Variants in EFHD2 observed in about 807,000 individuals in gnomAD.
EFHD2 encodes EF-hand domain family member D2.
Under a neutral mutation model 20.3 loss-of-function variants are expected in EFHD2, and 12 were observed. That is an observed-to-expected ratio of 0.59 (90% confidence interval 0.38 to 0.96). The LOEUF is 0.96. EFHD2 is among the 40% of genes least tolerant of loss of function. EFHD2 has a pLI of 0.00. For synonymous variants in EFHD2, 131 were observed against 143.9 expected, an observed-to-expected ratio of 0.91 and a Z score of 0.64; for missense variants, 250 against 334.3, an observed-to-expected ratio of 0.75 and a Z score of 1.97.
chr1:15,413,742 G>A lies in EFHD2; in HGVS notation c.308+3463G>A, dbSNP rs932049891. 6.6e-6 allele frequency among the ~76,000 whole-genome samples: 1 copy of A among 152,188 alleles called. No individual in the cohort carries two copies. Among genetic ancestry groups the A allele is most frequent in the Non-Finnish European group, 1.5e-5 (1 of 68,032 alleles). ...GGGTTACGGAGAGGTTCTCAGTGAG[G>A]CTGAAACCTTGTATGATGAGGAGAG... On this transcript the variant is annotated intron_variant, in intron 1 of 3. Coordinates refer to ENST00000375980, the MANE Select transcript of EFHD2 (RefSeq NM_024329.6). This position sits in a 1 kb window ranked among gnomAD's most constrained non-coding sequence, Gnocchi z 4.4.
chr1:15,429,074 T>TGCCCTCCACACATCCCTGTCCCCC lies in EFHD2; in HGVS notation c.*351_*374dup. ...CTCCCAGCCCCATGTGCCTGCCGCC[T>TGCCCTCCACACATCCCTGTCCCCC]GCCCTCCACACATCCCTGTCCCCCC... On this transcript the variant is annotated 3_prime_UTR_variant, in exon 4 of 4. Coordinates refer to ENST00000375980, the MANE Select transcript of EFHD2 (RefSeq NM_024329.6). 3.5e-6 allele frequency: 1 copy of TGCCCTCCACACATCCCTGTCCCCC among 284,094 alleles called. No individual in the cohort carries two copies. The allele number at this position is 284,094 out of a possible 1,614,324, so 17.6% of individuals were successfully genotyped here.
intron 3 of EFHD2, 78 bp downstream of exon 3, chr1:15,427,362 CT>C: frequency 1.3e-6 from 2 of 1,522,280 alleles, no homozygotes; most frequent in Non-Finnish European, 1.8e-6. Flanking sequence ...AATAGGTCCC[CT>C]TCCCGTCCCT....
intron 1 of EFHD2, among the ~76,000 whole-genome samples, chr1:15,411,022 C>T (rs1215680077): frequency 2.6e-5 from 4 of 152,206 alleles, no homozygotes; most frequent in South Asian, 2.1e-4. Context: ...ACCCCTCGGC[C>T]CCTGTTGCCC....
rs370303954 is a variant in EFHD2 at position 15,413,893 on chromosome 1, C to T, written c.308+3614C>T. On this transcript the variant is annotated intron_variant, in intron 1 of 3. Coordinates refer to ENST00000375980, the MANE Select transcript of EFHD2 (RefSeq NM_024329.6). The surrounding 1 kb of genome is among the most constrained non-coding windows in gnomAD (Gnocchi z 4.4). ...AGCCAGGACTCTCCATCCCCGTCTC[C>T]GTGCGGCCTCAGGCTACGTCCAGCA... 5.3e-5 allele frequency among the ~76,000 whole-genome samples: 8 copies of T among 152,222 alleles called. No homozygotes were observed. The highest frequency in any genetic ancestry group is 4.8e-5 in the African/African-American group (2 of 41,452).
In EFHD2 at chr1:15,412,608, T is replaced by C. The variant is rs1025451098; in HGVS notation, c.308+2329T>C. Among the ~76,000 whole-genome samples the C allele has an allele frequency of 1.3e-4, 20 of 152,148 alleles. No individual in the cohort carries two copies. The South Asian group carries it at 4.1e-3, about 32-fold the overall frequency. On this transcript the variant is annotated intron_variant, in intron 1 of 3. Coordinates refer to ENST00000375980, the MANE Select transcript of EFHD2 (RefSeq NM_024329.6). ...TGTCCCCAACCCCAGCCCCCGTCTC[T>C]CCTTTCCCCCAGAGCCTGCCTTCTC...
intron 1 of EFHD2, among the ~76,000 whole-genome samples, chr1:15,412,948 G>A (rs1337013021): frequency 6.6e-6 from 1 of 152,200 alleles, no homozygotes. Flanking sequence ...CAGGGGCCAG[G>A]AAGCTGGACC....
Position 15,427,086 on chromosome 1 carries a change from C to T in EFHD2, c.457-64C>T, listed in dbSNP as rs1196624907. ...CCTGAGGCTGGGGCCTGGGTGCGGC[C>T]AGGGACTCCGGCTCCCCTCCTTCCC... is the stretch of plus-strand genomic sequence containing the variant. On this transcript the variant is annotated intron_variant, in intron 2 of 3. Transcript: ENST00000375980. 1.3e-5 allele frequency: 20 copies of T among 1,575,634 alleles called. No individual in the cohort carries two copies. The East Asian group carries it at 4.5e-4, about 36-fold the overall frequency.
intron 1 of EFHD2, among the ~76,000 whole-genome samples, chr1:15,418,992 C>T (rs1166788500): frequency 1.3e-5 from 2 of 152,280 alleles, no homozygotes; most frequent in African/African-American, 2.4e-5. Context: ...GTGCCTGGCA[C>T]ATAGCAAGTG....
intron 1 of EFHD2, among the ~76,000 whole-genome samples, chr1:15,419,333 C>A (rs777701135): frequency 6.6e-6 from 1 of 152,246 alleles, no homozygotes; most frequent in Non-Finnish European, 1.5e-5. Context: ...GATAGGAATG[C>A]GGGCACGGTG....
chr1:15,412,037 G>C (rs533706306), intron 1 of EFHD2, among the ~76,000 whole-genome samples: 2 of 151,956 alleles, frequency 1.3e-5, no homozygotes, highest in Non-Finnish European at 2.9e-5. Context: ...CTTGACCCCC[G>C]GCCCCTCTGA....
intron 1 of EFHD2, 100 bp downstream of exon 1, chr1:15,410,379 C>T: frequency 7.2e-7 from 1 of 1,393,802 alleles, no homozygotes; most frequent in Non-Finnish European, 9.5e-7. Context: ...GGGAGCCTGC[C>T]GTCAGCCAAG....
chr1:15,423,619 A>G (rs1198502267), intron 1 of EFHD2, among the ~76,000 whole-genome samples: 1 of 152,192 alleles, frequency 6.6e-6, no homozygotes, highest in Admixed American at 6.5e-5. Context: ...AAATAAGGTT[A>G]TTAGGAAAAT....
Position 15,410,200 on chromosome 1 carries a change from C to T in EFHD2, c.229C>T (p.Arg77Cys), listed in dbSNP as rs769895518. 4.4e-6 allele frequency: 7 copies of T among 1,606,032 alleles called. No individual in the cohort carries two copies. In the South Asian group the frequency reaches 4.4e-5, roughly 10 times the overall value. The change falls in exon 1 of 4, where the codon CGC (arginine) becomes TGC (cysteine). Residue 77 changes from arginine (R) to cysteine (C), a missense_variant. Coordinates refer to ENST00000375980, the MANE Select transcript of EFHD2 (RefSeq NM_024329.6). ...CATCGGCGAGCCCCAGTCGCCCAGCCGCCGCGTCTTCAACCCCTACACCGA... is the reference window on the plus strand; with the variant it reads ...CATCGGCGAGCCCCAGTCGCCCAGCTGCCGCGTCTTCAACCCCTACACCGA... ...QGIGEPQSPSRRVFNPYTEFK... is the reference protein window; with the variant it reads ...QGIGEPQSPSCRVFNPYTEFK...
At chr1:15,425,581 A>G (rs1437448550) in intron 1 of EFHD2, among the ~76,000 whole-genome samples, 1 of 151,724 alleles carries the variant, frequency 6.6e-6, no homozygotes, top group Non-Finnish European at 1.5e-5. Context: ...CATTCAGCAC[A>G]CGGAGCCTGT....
chr1:15,422,472 T>TC (rs995824038), intron 1 of EFHD2, among the ~76,000 whole-genome samples: 1 of 150,654 alleles, frequency 6.6e-6, no homozygotes, highest in South Asian at 2.2e-4. Flanking sequence ...GCCACTGGCA[T>TC]CCCCCCCACC....
intron 1 of EFHD2, 78 bp from the exon 2 acceptor site, chr1:15,425,793 C>T: frequency 6.5e-7 from 1 of 1,547,244 alleles, no homozygotes; most frequent in East Asian, 2.4e-5. Context: ...CCTCTGATCC[C>T]CCAGTCTCCT....
chr1:15,416,968 T>G (rs1351319917), intron 1 of EFHD2, among the ~76,000 whole-genome samples: 1 of 151,878 alleles, frequency 6.6e-6, no homozygotes, highest in African/African-American at 2.4e-5. Flanking sequence ...TGCCACCACA[T>G]CCAGCTAATT....
chr1:15,428,115 C>G (rs530920731), intron 3 of EFHD2: 2 of 409,812 alleles, frequency 4.9e-6, no homozygotes, highest in East Asian at 1.4e-4. Context: ...AGTGCCTGAC[C>G]CAGGGCCAGA....
chr1:15,427,880 C>T (rs1307505950), intron 3 of EFHD2: 2 of 469,112 alleles, frequency 4.3e-6, no homozygotes, highest in Non-Finnish European at 8.8e-6. Flanking sequence ...ATTGGTGGAA[C>T]TTTTCAGGGT....
Sources: gnomAD v4.1 joint callset for allele counts (sites outside exome capture counted in the v4.1 genomes callset) on GRCh38, gnomAD v4.1.1 for gene constraint, Gnocchi (gnomAD v3.1) non-coding constraint, MANE v1.5 for transcripts, NCBI Gene and HGNC (gene_info 2026-07-23, HGNC 2026-07-21) for gene names.